Variants in PCDHGA9 observed in about 807,000 individuals in gnomAD.
PCDHGA9 encodes the protein protocadherin gamma-A9.
Under a neutral mutation model 62.5 loss-of-function variants are expected in PCDHGA9, and 37 were observed. The observed-to-expected ratio is 0.59, with a 90% CI of 0.46 to 0.78. The LOEUF (loss-of-function observed/expected upper bound fraction) is 0.78. Among genes scored for constraint, PCDHGA9 ranks in the 30% least tolerant of loss-of-function variants. PCDHGA9 has a pLI of 0.00. For missense variants in PCDHGA9, 1,138 were observed against 1,166.2 expected (o/e 0.98, Z 0.35); for synonymous variants, 459 against 484.6 (o/e 0.95, Z 0.69).
chr5:141,509,350 G>C (rs2099876432), intron 3 of PCDHGA9, among the ~76,000 whole-genome samples: 5 of 152,142 alleles, frequency 3.3e-5, no homozygotes. Flanking sequence ...GGGCTGGCCT[G>C]GGCATCCCTG....
At position 141,420,290 on chromosome 5, in the gene PCDHGA9, T is replaced by C. The variant is rs563124810; in HGVS notation, c.2424+14914T>C. 1.3e-5 allele frequency: 19 copies of C among 1,496,908 alleles called. No individual in the cohort carries two copies. The East Asian group carries it at 3.9e-4, about 30-fold the overall frequency. 92.7% of individuals were successfully genotyped at this position (1,496,908 alleles called of 1,614,324 possible). A position where few individuals can be genotyped will look rare whatever the true frequency, so the allele number is the denominator to read the frequency against. ...TCTTAAACAGGTAAGTATTTAAAAA[T>C]GTATTTAATCCTTTTTATATTACAA... On this transcript the variant is annotated intron_variant, in intron 1 of 3. Transcript: ENST00000573521.
At chr5:141,419,449 C>T (rs780917543) in intron 1 of PCDHGA9, 5 of 1,612,958 alleles carry the variant, frequency 3.1e-6, no homozygotes, top group Non-Finnish European at 4.2e-6. Context: ...CCTTCGAGCT[C>T]ACGCTGCAGG....
chr5:141,423,610 G>GT, intron 1 of PCDHGA9: 1 of 1,611,424 alleles, frequency 6.2e-7, no homozygotes, highest in African/African-American at 1.3e-5. Context: ...ACTCTTGATA[G>GT]CTGAAGACTC....
rs748972821 is a variant in PCDHGA9 at position 141,476,094 on chromosome 5, GAGAGGAACT to G, written c.2425-18712_2425-18704del. ...TCTCAGGGACGATCTGGACCCCGCT[GAGAGGAACT>G]GCTTTTGAGTGAGATGGTCCCAGAG... is the stretch of plus-strand genomic sequence containing the variant. On this transcript the variant is annotated intron_variant, in intron 1 of 3. Coordinates refer to ENST00000573521, the MANE Select transcript of PCDHGA9 (RefSeq NM_018921.3). This position sits in a 1 kb window ranked among gnomAD's most constrained non-coding sequence, Gnocchi z 7.6. 6.4e-7 allele frequency: 1 copy of G among 1,568,172 alleles called. No individual in the cohort carries two copies. The highest frequency in any genetic ancestry group is 1.2e-5 in the South Asian group (1 of 85,292).
At chr5:141,410,515 G>T in intron 1 of PCDHGA9, 1 of 1,613,946 alleles carries the variant, frequency 6.2e-7, no homozygotes, top group South Asian at 1.1e-5. Flanking sequence ...AATGCAGTGT[G>T]CCCCTACATT....
At chr5:141,444,659 C>G (rs2098443878) in intron 1 of PCDHGA9, among the ~76,000 whole-genome samples, 1 of 152,032 alleles carries the variant, frequency 6.6e-6, no homozygotes, top group African/African-American at 2.4e-5. Context: ...GAAGTTATTT[C>G]CCATTTTTTT....
Position 141,489,560 on chromosome 5 carries a change from A to C in PCDHGA9, c.2425-5247A>C, listed in dbSNP as rs749076412. On this transcript the variant is annotated intron_variant, in intron 1 of 3. Coordinates refer to ENST00000573521, the MANE Select transcript of PCDHGA9 (RefSeq NM_018921.3). This position sits in a 1 kb window ranked among gnomAD's most constrained non-coding sequence, Gnocchi z 4.5. Reference sequence around the variant, plus strand: ...AGCACCAGCTGCCTGCTGCCAGTGCAGGTGGTGACTGAACACCCCCTGGAG... The same window carrying C: ...AGCACCAGCTGCCTGCTGCCAGTGCCGGTGGTGACTGAACACCCCCTGGAG... 2 of 1,614,142 alleles carry C rather than the reference A, an allele frequency of 1.2e-6. No individual in the cohort carries two copies. Among genetic ancestry groups the C allele is most frequent in the Admixed American group, 3.3e-5 (2 of 60,024 alleles).
At chr5:141,440,501 A>G (rs2098183001) in intron 1 of PCDHGA9, 1 of 152,174 alleles carries the variant, frequency 6.6e-6, no homozygotes, top group African/African-American at 2.4e-5. Context: ...TCACATTAAT[A>G]TGGAGATTCA....
rs759742074 is a variant in PCDHGA9 at position 141,403,012 on chromosome 5, G to T, written c.60G>T (p.Leu20=). The change falls in exon 1 of 4, where the codon CTG becomes CTT. Residue 20 remains leucine (L), a synonymous_variant. Transcript: ENST00000573521. The part of the protein sequence containing the change: ...RGRLVLLCSL[L]GMLWEARASQ... ...GATTAGTCCTGCTATGCTCGCTCCT[G>T]GGGATGCTATGGGAGGCCAGGGCCA... 8.1e-6 allele frequency: 13 copies of T among 1,614,072 alleles called. 1 individual carries two copies. The South Asian group carries it at 1.4e-4, about 18-fold the overall frequency.
At chr5:141,488,069 C>T (rs1197698273) in intron 1 of PCDHGA9, among the ~76,000 whole-genome samples, 1 of 152,072 alleles carries the variant, frequency 6.6e-6, no homozygotes, top group Non-Finnish European at 1.5e-5. Context: ...ATCTTTGTCT[C>T]CCAGTATCTA....
In PCDHGA9 at chr5:141,431,135, A is replaced by T. The variant is rs140069213; in HGVS notation, c.2424+25759A>T. On this transcript the variant is annotated intron_variant, in intron 1 of 3. Transcript: ENST00000573521. This position sits in a 1 kb window ranked among gnomAD's most constrained non-coding sequence, Gnocchi z 4.8. ...TGGAGTAGAAGTAGAAGTAAGGGAC[A>T]TTAACGACAATGCGCCTTACTTTCG... 1 of 1,614,266 alleles carries T rather than the reference A, an allele frequency of 6.2e-7. No homozygotes were observed. Among genetic ancestry groups the T allele is most frequent in the African/African-American group, 1.3e-5 (1 of 75,078 alleles).
chr5:141,451,860 C>T, intron 1 of PCDHGA9, among the ~76,000 whole-genome samples: 1 of 151,832 alleles, frequency 6.6e-6, no homozygotes, highest in Non-Finnish European at 1.5e-5. Flanking sequence ...CAGCCTAGGC[C>T]ACAGAATGAA....
chr5:141,455,577 C>T (rs1000865176), intron 1 of PCDHGA9, among the ~76,000 whole-genome samples: 3 of 152,120 alleles, frequency 2.0e-5, no homozygotes, highest in East Asian at 1.9e-4. Context: ...CCCACCCCAG[C>T]CTTTTAATAT....
At position 141,486,218 on chromosome 5, in the gene PCDHGA9, T is replaced by A. The variant is rs1467104398; in HGVS notation, c.2425-8589T>A. The A allele has an allele frequency of 2.5e-6, 4 of 1,614,004 alleles. No homozygotes were observed. The African/African-American group carries it at 5.3e-5, about 22-fold the overall frequency. On this transcript the variant is annotated intron_variant, in intron 1 of 3. Transcript: ENST00000573521. The surrounding 1 kb of genome is among the most constrained non-coding windows in gnomAD (Gnocchi z 5.0). ...GCTGGACGTAAATGACAATGCCCCT[T>A]ACATCACAGTGACCTCAGAGCTTGG...
At position 141,485,348 on chromosome 5, in the gene PCDHGA9, C is replaced by A; in HGVS notation, c.2425-9459C>A. ...AGATTTCCTGCTGGATACGGACAGT[C>A]TGTCAGCTCGCAGGCTGCAGGTCGC... On this transcript the variant is annotated intron_variant, in intron 1 of 3. Coordinates refer to ENST00000573521, the MANE Select transcript of PCDHGA9 (RefSeq NM_018921.3). This position sits in a 1 kb window ranked among gnomAD's most constrained non-coding sequence, Gnocchi z 5.7. 6.2e-7 allele frequency: 1 copy of A among 1,614,146 alleles called. No individual in the cohort carries two copies. Among genetic ancestry groups the A allele is most frequent in the Non-Finnish European group, 8.5e-7 (1 of 1,180,008 alleles).
chr5:141,492,723 C>T (rs896613323), intron 1 of PCDHGA9, among the ~76,000 whole-genome samples: 2 of 152,268 alleles, frequency 1.3e-5, no homozygotes, highest in African/African-American at 4.8e-5. Flanking sequence ...GGCGGACAGG[C>T]AGAGCTGCCC....
intron 1 of PCDHGA9, chr5:141,427,448 TC>T (rs1355717683): frequency 6.2e-6 from 3 of 484,982 alleles, no homozygotes; most frequent in Non-Finnish European, 1.2e-5. Flanking sequence ...ACGAAAGAGT[TC>T]CTTTTAGAAT....
chr5:141,420,050 C>A, intron 1 of PCDHGA9: 1 of 1,614,076 alleles, frequency 6.2e-7, no homozygotes. Context: ...TGAGTCAGTT[C>A]TCTGCTCCAA....
At chr5:141,423,169 C>G (rs747206648) in intron 1 of PCDHGA9, 2 of 1,613,460 alleles carry the variant, frequency 1.2e-6, no homozygotes, top group Admixed American at 3.3e-5. Context: ...GGTGGCCGTC[C>G]AGGACCACGG....
Sources: gnomAD v4.1 joint callset for allele counts (sites outside exome capture counted in the v4.1 genomes callset) on GRCh38, gnomAD v4.1.1 for gene constraint, Gnocchi (gnomAD v3.1) non-coding constraint, MANE v1.5 for transcripts, NCBI Gene and HGNC (gene_info 2026-07-23, HGNC 2026-07-21) for gene names.